ANKS1B: variants seen among roughly 807,000 people sequenced by gnomAD.
ANKS1B encodes ankyrin repeat and sterile alpha motif domain containing 1B.
ANKS1B carries 36 observed loss-of-function variants against 148.3 expected under a neutral mutation model. The observed-to-expected ratio is 0.24, with a 90% CI of 0.19 to 0.32. ANKS1B has a LOEUF of 0.32. ANKS1B is among the 10% of genes least tolerant of loss of function. ANKS1B has a pLI of 1.00. For missense variants in ANKS1B, 1,157 were observed against 1,542.6 expected (o/e 0.75, Z 4.19); for synonymous variants, 542 against 560.8 (o/e 0.97, Z 0.47).
intron 1 of ANKS1B, among the ~76,000 whole-genome samples, chr12:99,835,971 G>T (rs1210783968): frequency 6.6e-6 from 1 of 152,132 alleles, no homozygotes; most frequent in Non-Finnish European, 1.5e-5. Context: ...TAATAAAAAA[G>T]TATTGTCACA....
intron 1 of ANKS1B, among the ~76,000 whole-genome samples, chr12:99,916,517 T>C (rs543000828): frequency 2.6e-5 from 4 of 152,162 alleles, no homozygotes; most frequent in African/African-American, 9.7e-5. Flanking sequence ...GAGTACATAA[T>C]TGAGATGGAT....
At chr12:99,445,190 C>T (rs546670634) in intron 10 of ANKS1B, among the ~76,000 whole-genome samples, 2 of 152,120 alleles carry the variant, frequency 1.3e-5, no homozygotes, top group East Asian at 3.9e-4. Flanking sequence ...ACACACAAAA[C>T]ATTAGTCAGC....
chr12:99,076,235 G>A (rs1415380675), intron 16 of ANKS1B, among the ~76,000 whole-genome samples: 1 of 152,136 alleles, frequency 6.6e-6, no homozygotes, highest in African/African-American at 2.4e-5. Context: ...ACCCAGACGA[G>A]GGTTGACAGT....
At chr12:99,573,457 C>A (rs967229711) in intron 9 of ANKS1B, among the ~76,000 whole-genome samples, 2 of 152,010 alleles carry the variant, frequency 1.3e-5, no homozygotes, top group Admixed American at 1.3e-4. Context: ...TTATCTTTTT[C>A]TATTGCCAGG....
chr12:99,659,615 C>T (rs897589694), intron 8 of ANKS1B, among the ~76,000 whole-genome samples: 4 of 151,716 alleles, frequency 2.6e-5, no homozygotes, highest in Non-Finnish European at 4.4e-5. Context: ...ATGGGATTTC[C>T]CTGTGAGGCA....
At chr12:99,080,646 T>G (rs994980242) in intron 16 of ANKS1B, among the ~76,000 whole-genome samples, 1 of 152,116 alleles carries the variant, frequency 6.6e-6, no homozygotes, top group African/African-American at 2.4e-5. Flanking sequence ...GACCTTCAGG[T>G]GTTATATTAT....
chr12:99,738,629 A>C (rs2059822377), intron 8 of ANKS1B, among the ~76,000 whole-genome samples: 1 of 152,194 alleles, frequency 6.6e-6, no homozygotes, highest in African/African-American at 2.4e-5. Context: ...TAAAATGATC[A>C]GTGAAACCAT....
At position 99,246,511 on chromosome 12, in the gene ANKS1B, T is replaced by A; in HGVS notation, c.2110A>T (p.Met704Leu). ...CTCTCCACAAATCCCCCTGCGTTCA[T>A]AACCCACTGGTCCCCATTCCGAGAT... is the stretch of plus-strand genomic sequence containing the variant. ...SGSRNGDQWV[M>L]NAGGFVERAC... The change falls in exon 13 of 27, where the codon ATG becomes TTG. Residue 704 changes from methionine (M) to leucine (L), a missense_variant. Coordinates refer to ENST00000683438, the MANE Select transcript of ANKS1B (RefSeq NM_001352186.2). The A allele has an allele frequency of 6.2e-7, 1 of 1,613,934 alleles. No individual in the cohort carries two copies. The highest frequency in any genetic ancestry group is 8.5e-7 in the Non-Finnish European group (1 of 1,179,870).
intron 3 of ANKS1B, among the ~76,000 whole-genome samples, chr12:99,810,750 T>C (rs1438435749): frequency 6.6e-6 from 1 of 152,046 alleles, no homozygotes; most frequent in Non-Finnish European, 1.5e-5. Flanking sequence ...GAATACTATA[T>C]GTTATTTCTT....
intron 10 of ANKS1B, among the ~76,000 whole-genome samples, chr12:99,494,732 C>CAAAAAAA (rs59115173): frequency 1.6e-4 from 9 of 55,986 alleles, no homozygotes; most frequent in Non-Finnish European, 1.9e-4. Context: ...CACTCTGTCT[C>CAAAAAAA]AAAAAAAAAA....
chr12:99,361,609 T>C (rs367975599), intron 12 of ANKS1B, among the ~76,000 whole-genome samples: 4 of 152,226 alleles, frequency 2.6e-5, no homozygotes, highest in African/African-American at 7.2e-5. Flanking sequence ...TCTAGCAGTG[T>C]TGTCAATATA....
chr12:98,738,044 T>C (rs757046047), intron 9 of ANKS1B, among the ~76,000 whole-genome samples: 5 of 152,238 alleles, frequency 3.3e-5, no homozygotes, highest in Non-Finnish European at 7.3e-5. Flanking sequence ...TCTGCTGCTC[T>C]TGGGCTATGA....
chr12:99,812,447 T>C (rs1347181300), intron 2 of ANKS1B, 136 bp from the exon 3 acceptor site: 1 of 1,000,640 alleles, frequency 1.0e-6, no homozygotes, highest in African/African-American at 1.7e-5. Context: ...TAAAGTTGGG[T>C]TTCAAAGTTT....
chr12:99,510,439 C>T (rs751758081), intron 9 of ANKS1B, among the ~76,000 whole-genome samples: 5 of 151,896 alleles, frequency 3.3e-5, no homozygotes, highest in African/African-American at 4.8e-5. Flanking sequence ...GACTCCAACC[C>T]TCAGGGAGGA....
intron 9 of ANKS1B, among the ~76,000 whole-genome samples, chr12:99,527,845 A>G (rs1324468858): frequency 3.3e-5 from 5 of 151,960 alleles, no homozygotes; most frequent in Admixed American, 6.6e-5. Flanking sequence ...CATTCTTAAC[A>G]TAATGAGAAA....
chr12:99,747,356 A>G (rs1342316685), intron 8 of ANKS1B, among the ~76,000 whole-genome samples: 1 of 151,904 alleles, frequency 6.6e-6, no homozygotes, highest in South Asian at 2.1e-4. Context: ...CTCTCCTGCA[A>G]CCTATAGCCA....
chr12:99,590,692 C>G (rs1387511227), intron 9 of ANKS1B, among the ~76,000 whole-genome samples: 1 of 152,192 alleles, frequency 6.6e-6, no homozygotes, highest in African/African-American at 2.4e-5. Context: ...GTTGAAAACA[C>G]TGCTCAAGGT....
intron 8 of ANKS1B, among the ~76,000 whole-genome samples, chr12:99,720,760 C>T (rs2057997222): frequency 1.3e-5 from 2 of 152,136 alleles, no homozygotes; most frequent in African/African-American, 4.8e-5. Context: ...CCCCAAAAAA[C>T]TTGTCACCCC....
intron 25 of ANKS1B, among the ~76,000 whole-genome samples, chr12:98,753,260 G>C (rs979017320): frequency 2.6e-5 from 4 of 152,076 alleles, no homozygotes; most frequent in Non-Finnish European, 4.4e-5. Flanking sequence ...GCTTCCCCTT[G>C]TCTTCTCTCA....
Sources: gnomAD v4.1 joint callset for allele counts (sites outside exome capture counted in the v4.1 genomes callset) on GRCh38, gnomAD v4.1.1 for gene constraint, MANE v1.5 for transcripts, NCBI Gene and HGNC (gene_info 2026-07-23, HGNC 2026-07-21) for gene names.